The following ATP6V1E1 variants were observed in gnomAD, a reference collection of about 807,000 sequenced individuals.
ATP6V1E1 encodes the protein V-type proton ATPase subunit E 1.
Under a neutral mutation model 35.2 loss-of-function variants are expected in ATP6V1E1, and 21 were observed. The ratio of observed to expected loss-of-function variants is 0.60; its 90% CI spans 0.42 to 0.86. The LOEUF (loss-of-function observed/expected upper bound fraction) is 0.86. Among genes scored for constraint, ATP6V1E1 ranks in the 40% least tolerant of loss-of-function variants. The probability of loss-of-function intolerance (pLI) is 0.00; values close to 1 mark genes in which losing one functional copy is unlikely to be tolerated. For synonymous variants in ATP6V1E1, 83 were observed against 87.8 expected (o/e 0.95, Z 0.30); for missense variants, 183 against 272.6 (o/e 0.67, Z 2.32).
chr22:17,595,078 C>G (rs1226422028), intron 7 of ATP6V1E1: 1 of 151,386 alleles, frequency 6.6e-6, no homozygotes, highest in African/African-American at 2.4e-5. Flanking sequence ...TTTTGAGACT[C>G]GCTCTGTTGC....
chr22:17,624,489 G>T (rs1253826166), intron 1 of ATP6V1E1, among the ~76,000 whole-genome samples: 1 of 152,132 alleles, frequency 6.6e-6, no homozygotes, highest in East Asian at 1.9e-4. Flanking sequence ...GGGAGGCAGA[G>T]GCTGCAGTGA....
In ATP6V1E1 at chr22:17,596,656, G is replaced by A. The variant is rs1268336657; in HGVS notation, c.530+1538C>T. 2.6e-5 allele frequency among the ~76,000 whole-genome samples: 4 copies of A among 152,014 alleles called. 1 individual carries two copies. The highest frequency in any genetic ancestry group is 9.7e-5 in the African/African-American group (4 of 41,310). ...CACTAAATGGACGACACCACTCAATGAAACTGAATAAACGAGTCCAAGATT... is the reference window on the plus strand; with the variant it reads ...CACTAAATGGACGACACCACTCAATAAAACTGAATAAACGAGTCCAAGATT... On this transcript the variant is annotated intron_variant, in intron 7 of 8. Transcript: ENST00000253413.
intron 6 of ATP6V1E1, among the ~76,000 whole-genome samples, chr22:17,599,440 G>C (rs1477796872): frequency 6.6e-6 from 1 of 151,304 alleles, no homozygotes; most frequent in Non-Finnish European, 1.5e-5. Flanking sequence ...GCCAGGCATG[G>C]TGGTGCATGC....
intron 1 of ATP6V1E1, among the ~76,000 whole-genome samples, chr22:17,622,990 C>CA (rs1267949073): frequency 6.6e-6 from 1 of 151,944 alleles, no homozygotes. Context: ...CAAAATGAAA[C>CA]AAAAAACATA....
intron 1 of ATP6V1E1, among the ~76,000 whole-genome samples, chr22:17,625,885 T>C (rs1031676771): frequency 5.3e-5 from 8 of 151,662 alleles, no homozygotes; most frequent in African/African-American, 2.4e-5. Context: ...AAAAAAAGTT[T>C]CCCAGGACTG....
chr22:17,593,784 C>A (rs954144728), intron 8 of ATP6V1E1, among the ~76,000 whole-genome samples: 9 of 152,212 alleles, frequency 5.9e-5, no homozygotes, highest in Non-Finnish European at 1.0e-4. Flanking sequence ...TAGACTCCCA[C>A]TAGAAGTCTA....
intron 6 of ATP6V1E1, among the ~76,000 whole-genome samples, chr22:17,599,239 C>T (rs2057748934): frequency 6.7e-6 from 1 of 149,780 alleles, no homozygotes; most frequent in Non-Finnish European, 1.5e-5. Context: ...CTTAATGGCA[C>T]AATGTATGGT....
At chr22:17,613,612 G>C (rs2401158) in intron 2 of ATP6V1E1, among the ~76,000 whole-genome samples, 2 of 149,522 alleles carry the variant, frequency 1.3e-5, no homozygotes, top group South Asian at 4.3e-4. Flanking sequence ...ATTACCACAC[G>C]TTCGAAACTT....
Position 17,598,326 on chromosome 22 carries a change from A to AATATGAAG in ATP6V1E1, c.436-39_436-38insCTTCATAT, listed in dbSNP as rs546202795. On this transcript the variant is annotated intron_variant, in intron 6 of 8. Transcript: ENST00000253413. ...AACACAATGAGAGGTGTCACTAGGA[A>AATATGAAG]CTATGAAGCAAGTATCCAAAAACTC... is the stretch of plus-strand genomic sequence containing the variant. The AATATGAAG allele has an allele frequency of 5.5e-4, 825 of 1,502,504 alleles. 11 individuals are homozygous for AATATGAAG. In the African/African-American group the frequency reaches 0.01, roughly 19 times the overall value. The allele number at this position is 1,502,504 out of a possible 1,614,324, so 93.1% of individuals were successfully genotyped here.
chr22:17,597,405 C>A (rs2057737589), intron 7 of ATP6V1E1, among the ~76,000 whole-genome samples: 2 of 151,978 alleles, frequency 1.3e-5, no homozygotes, highest in African/African-American at 4.8e-5. Flanking sequence ...GTTAGGAACA[C>A]TGATCCCAGA....
At chr22:17,626,073 G>A (rs2057902946) in intron 1 of ATP6V1E1, among the ~76,000 whole-genome samples, 3 of 151,900 alleles carry the variant, frequency 2.0e-5, no homozygotes, top group South Asian at 2.1e-4. Flanking sequence ...TTGGGAGGCC[G>A]AGGTGGGCAG....
chr22:17,623,350 T>C (rs771560683), intron 1 of ATP6V1E1, among the ~76,000 whole-genome samples: 7 of 152,302 alleles, frequency 4.6e-5, no homozygotes, highest in Admixed American at 2.0e-4. Context: ...CAAGTTTAGT[T>C]TGAAGTCTCA....
chr22:17,604,214 T>G (rs75934578), intron 4 of ATP6V1E1, among the ~76,000 whole-genome samples: 6 of 152,176 alleles, frequency 3.9e-5, no homozygotes, highest in Non-Finnish European at 8.8e-5. Flanking sequence ...AACATCCCAG[T>G]GACACCCTCT....
At chr22:17,613,067 T>C (rs2057823224) in intron 3 of ATP6V1E1, 144 bp downstream of exon 3, 1 of 909,920 alleles carries the variant, frequency 1.1e-6, no homozygotes, top group Admixed American at 2.9e-5. Flanking sequence ...TTTTCACAAA[T>C]GAAGAAAGAG....
At chr22:17,627,686 G>A (rs2057922313) in intron 1 of ATP6V1E1, among the ~76,000 whole-genome samples, 1 of 150,614 alleles carries the variant, frequency 6.6e-6, no homozygotes, top group African/African-American at 2.4e-5. Flanking sequence ...GCCGGGCTTG[G>A]GGCGCGAGTC....
At chr22:17,607,120 G>T (rs1601382041) in intron 4 of ATP6V1E1, among the ~76,000 whole-genome samples, 1 of 151,586 alleles carries the variant, frequency 6.6e-6, no homozygotes, top group Non-Finnish European at 1.5e-5. Flanking sequence ...CAAACACAAT[G>T]ATTTTTTTCA....
rs183193265 is a variant in ATP6V1E1 at position 17,622,074 on chromosome 22, C to T, written c.34-2548G>A. Among the ~76,000 whole-genome samples, 3 of 152,300 alleles carry T rather than the reference C, an allele frequency of 2.0e-5. No individual in the cohort carries two copies. The East Asian group carries it at 5.8e-4, about 29-fold the overall frequency. ...TATACCCAAGTAAAAATCCAACCGA[C>T]ACAGCTCATCAAACTCACTGGTTGT... On this transcript the variant is annotated intron_variant, in intron 1 of 8. Coordinates refer to ENST00000253413, the MANE Select transcript of ATP6V1E1 (RefSeq NM_001696.4).
intron 4 of ATP6V1E1, among the ~76,000 whole-genome samples, chr22:17,605,532 AAAAG>A (rs1453379524): frequency 6.6e-6 from 1 of 152,142 alleles, no homozygotes; most frequent in Non-Finnish European, 1.5e-5. Flanking sequence ...CTCCGTCTCA[AAAAG>A]AAAAAGAAAA....
In ATP6V1E1 at chr22:17,592,693, T is replaced by C; in HGVS notation, c.662A>G (p.Asn221Ser). The C allele has an allele frequency of 6.2e-7, 1 of 1,614,180 alleles. No homozygotes were observed. Among genetic ancestry groups the C allele is most frequent in the South Asian group, 1.1e-5 (1 of 91,080 alleles). The change falls in exon 9 of 9, where the codon AAC becomes AGC. Residue 221 changes from asparagine (N) to serine (S), a missense_variant. Transcript: ENST00000253413. The stretch of plus-strand genomic sequence containing the variant: ...GAAGGCTTAGTCCAAAAACTTCCTG[T>C]TGGCATTTGCACCAAACAAGGCTCC... ...VRGALFGANA[N>S]RKFLD
Sources: allele counts gnomAD v4.1 joint callset (sites outside exome capture counted in the v4.1 genomes callset), GRCh38; gene constraint gnomAD v4.1.1; transcripts MANE v1.5; gene names NCBI Gene and HGNC (gene_info 2026-07-23, HGNC 2026-07-21).